The following CACNA1E variants were observed in gnomAD, a reference collection of about 807,000 sequenced individuals.
The protein encoded by CACNA1E is calcium voltage-gated channel subunit alpha1 E, also known as voltage-dependent R-type calcium channel subunit alpha-1E.
Under a neutral mutation model 259.2 loss-of-function variants are expected in CACNA1E, and 40 were observed. The observed-to-expected ratio is 0.15, with a 90% CI of 0.12 to 0.20. CACNA1E has a LOEUF of 0.20. CACNA1E is among the 10% of genes least tolerant of loss of function. The pLI is 1.00. For missense variants in CACNA1E, 1,874 were observed against 3,040.1 expected (o/e 0.62, Z 9.02); for synonymous variants, 1,104 against 1,138.5 (o/e 0.97, Z 0.61).
intron 1 of CACNA1E, among the ~76,000 whole-genome samples, chr1:181,377,446 T>C (rs1418277834): frequency 2.0e-5 from 3 of 152,144 alleles, no homozygotes; most frequent in Admixed American, 2.0e-4. Context: ...GAGATGTGTT[T>C]AGAGATGAAT....
At chr1:181,685,761 G>A (rs899431519) in intron 7 of CACNA1E, among the ~76,000 whole-genome samples, 1 of 152,050 alleles carries the variant, frequency 6.6e-6, no homozygotes. Context: ...AAGACCTTTT[G>A]GAATACTTCA....
Position 181,577,531 on chromosome 1 carries a change from C to A in CACNA1E, c.513-235C>A, listed in dbSNP as rs183219601. Among the ~76,000 whole-genome samples the A allele has an allele frequency of 0.032, 4,854 of 152,232 alleles. 254 individuals are homozygous for A. The highest frequency in any genetic ancestry group is 0.11 in the African/African-American group (4,554 of 41,500). ...CTTGTGTTTTGCTTGGGATTTGGAA[C>A]TAGGGTTCTGGTATGATGATAAGTT... On this transcript the variant is annotated intron_variant, in intron 3 of 47. Coordinates refer to ENST00000367573, the MANE Select transcript of CACNA1E (RefSeq NM_001205293.3).
At chr1:181,512,874 T>C (rs1289456221) in intron 3 of CACNA1E, among the ~76,000 whole-genome samples, 1 of 152,182 alleles carries the variant, frequency 6.6e-6, no homozygotes. Context: ...GAAGATATAG[T>C]TTTTACATAG....
At chr1:181,587,554 G>C (rs910659180) in intron 6 of CACNA1E, among the ~76,000 whole-genome samples, 4 of 152,216 alleles carry the variant, frequency 2.6e-5, no homozygotes. Context: ...CCGTGAAAAG[G>C]GAGGAGAGAA....
chr1:181,797,613 G>A (rs1661926784), intron 47 of CACNA1E, among the ~76,000 whole-genome samples: 1 of 152,156 alleles, frequency 6.6e-6, no homozygotes, highest in African/African-American at 2.4e-5. Context: ...AAGGACCCAG[G>A]AGTCTGCCTT....
At chr1:181,480,016 G>A (rs997263004), upstream of CACNA1E, among the ~76,000 whole-genome samples, 8 of 152,132 alleles carry the variant, frequency 5.3e-5, no homozygotes, top group South Asian at 2.1e-4. Flanking sequence ...CTGGCGGGGC[G>A]CAATGGCTCA....
chr1:181,738,520 CCAGCCAATGG>C (rs995941361), intron 24 of CACNA1E, 94 bp downstream of exon 24: 3 of 971,858 alleles, frequency 3.1e-6, no homozygotes, highest in African/African-American at 3.2e-5. Context: ...TTACCACCTA[CCAGCCAATGG>C]CAGCCCTCAG....
In CACNA1E at chr1:181,573,901, A is replaced by G. The variant is rs535002473; in HGVS notation, c.513-3865A>G. Among the ~76,000 whole-genome samples, 4 of 152,394 alleles carry G rather than the reference A, an allele frequency of 2.6e-5. No homozygotes were observed. The South Asian group carries it at 8.3e-4, about 32-fold the overall frequency. On this transcript the variant is annotated intron_variant, in intron 3 of 47. Transcript: ENST00000367573. ...CAAATGCCCATCAATGATAGACTGG[A>G]TAAAGAAGATGTGGTACATATACAC...
At chr1:181,600,973 T>G (rs1268777911) in intron 6 of CACNA1E, among the ~76,000 whole-genome samples, 3 of 152,178 alleles carry the variant, frequency 2.0e-5, no homozygotes, top group Admixed American at 6.5e-5. Context: ...AGTAGGTCTA[T>G]TACTAAGGCC....
chr1:181,428,621 G>T (rs1659481107), intron 2 of CACNA1E, among the ~76,000 whole-genome samples: 1 of 152,052 alleles, frequency 6.6e-6, no homozygotes, highest in Non-Finnish European at 1.5e-5. Flanking sequence ...TGCTGCTCTT[G>T]GGCCCCAGTG....
intron 1 of CACNA1E, among the ~76,000 whole-genome samples, chr1:181,354,956 T>C: frequency 6.6e-6 from 1 of 152,246 alleles, no homozygotes; most frequent in East Asian, 1.9e-4. Flanking sequence ...CTGTGTTCAA[T>C]TGTGCAATGA....
chr1:181,686,275 GTTTTTTTTTTTTT>G (rs66526388), intron 7 of CACNA1E, among the ~76,000 whole-genome samples: 1,905 of 58,794 alleles, frequency 0.032, 60 homozygotes, highest in African/African-American at 0.1. Flanking sequence ...TAAGAACCAA[GTTTTTTTTTTTTT>G]TTTTTTTTTT....
chr1:181,753,729 C>T (rs977760595), intron 27 of CACNA1E, among the ~76,000 whole-genome samples: 6 of 152,186 alleles, frequency 3.9e-5, no homozygotes, highest in Non-Finnish European at 8.8e-5. Context: ...ACTCTTTGCC[C>T]ACGCCTACCC....
chr1:181,584,002 A>G (rs969119022), intron 6 of CACNA1E, among the ~76,000 whole-genome samples: 3 of 152,116 alleles, frequency 2.0e-5, no homozygotes, highest in African/African-American at 7.2e-5. Flanking sequence ...TCATTCAACA[A>G]ATGTTACTGT....
chr1:181,733,388 T>G, intron 20 of CACNA1E, 49 bp from the exon 21 acceptor site: 10 of 1,430,180 alleles, frequency 7.0e-6, no homozygotes, highest in Non-Finnish European at 8.5e-6. Flanking sequence ...ACACCTGCCA[T>G]TTGGGGACAG....
chr1:181,513,166 A>T (rs1666290176), intron 3 of CACNA1E, among the ~76,000 whole-genome samples: 1 of 152,228 alleles, frequency 6.6e-6, no homozygotes, highest in African/African-American at 2.4e-5. Context: ...GTTTTAAATG[A>T]TTATATGTTC....
intron 3 of CACNA1E, among the ~76,000 whole-genome samples, chr1:181,562,373 A>AT: frequency 6.6e-6 from 1 of 152,310 alleles, no homozygotes; most frequent in South Asian, 2.1e-4. Context: ...TTGTTTGATT[A>AT]TAATGCTATG....
intron 6 of CACNA1E, among the ~76,000 whole-genome samples, chr1:181,608,927 A>C (rs1430300668): frequency 6.6e-6 from 1 of 152,198 alleles, no homozygotes; most frequent in Non-Finnish European, 1.5e-5. Context: ...GGGCTGGGGC[A>C]GGGGTGTCTC....
chr1:181,667,764 T>G (rs999430009), intron 7 of CACNA1E, among the ~76,000 whole-genome samples: 1 of 151,762 alleles, frequency 6.6e-6, no homozygotes, highest in Non-Finnish European at 1.5e-5. Flanking sequence ...CCCCAAGTGC[T>G]GAATGAGTCA....
Sources: allele counts gnomAD v4.1 joint callset (sites outside exome capture counted in the v4.1 genomes callset), GRCh38; gene constraint gnomAD v4.1.1; transcripts MANE v1.5; gene names NCBI Gene and HGNC (gene_info 2026-07-23, HGNC 2026-07-21).